Variants in FHIT observed in about 807,000 individuals in gnomAD.
FHIT encodes bis(5'-adenosyl)-triphosphatase.
In FHIT, 19 loss-of-function variants were observed where a neutral mutation model predicts 17.9. That is an observed-to-expected ratio of 1.06 (90% CI 0.74 to 1.56). FHIT has a LOEUF of 1.56. FHIT is among the 40% of genes most tolerant of loss of function. The pLI is 0.00. For synonymous variants in FHIT, 81 were observed against 69.7 expected, an observed-to-expected ratio of 1.16 and a Z score of -0.81; for missense variants, 248 against 189.2, an observed-to-expected ratio of 1.31 and a Z score of -1.82.
intron 7 of FHIT, among the ~76,000 whole-genome samples, chr3:60,004,253 T>C (rs955266442): frequency 8.5e-5 from 13 of 152,158 alleles, no homozygotes; most frequent in Admixed American, 7.2e-4. Flanking sequence ...AAAGACAGTT[T>C]ACTGAATCCT....
At chr3:60,819,975 A>G (rs1159819774) in intron 4 of FHIT, among the ~76,000 whole-genome samples, 3 of 152,184 alleles carry the variant, frequency 2.0e-5, no homozygotes, top group Non-Finnish European at 4.4e-5. Flanking sequence ...CCACCCTTCC[A>G]GAAACAATAT....
chr3:60,709,091 G>C (rs2041449470), intron 4 of FHIT, among the ~76,000 whole-genome samples: 2 of 152,144 alleles, frequency 1.3e-5, no homozygotes, highest in Non-Finnish European at 2.9e-5. Flanking sequence ...AACTGTGGAA[G>C]GCCCCAAAGA....
At chr3:60,256,451 T>C (rs1705996877) in intron 5 of FHIT, among the ~76,000 whole-genome samples, 1 of 152,216 alleles carries the variant, frequency 6.6e-6, no homozygotes, top group Non-Finnish European at 1.5e-5. Context: ...AGGTATTTTG[T>C]TATAGAAGCA....
At chr3:60,189,534 A>G (rs1354029485) in intron 5 of FHIT, among the ~76,000 whole-genome samples, 3 of 152,206 alleles carry the variant, frequency 2.0e-5, no homozygotes. Context: ...TTATAAGTAG[A>G]TTACAAATGA....
At chr3:60,118,516 A>C (rs1055698138) in intron 5 of FHIT, among the ~76,000 whole-genome samples, 2 of 152,006 alleles carry the variant, frequency 1.3e-5, no homozygotes, top group African/African-American at 2.4e-5. Flanking sequence ...GACTGACAGT[A>C]GGGAGGCATA....
intron 8 of FHIT, among the ~76,000 whole-genome samples, chr3:59,822,815 C>G (rs1032940079): frequency 6.6e-6 from 1 of 152,042 alleles, no homozygotes; most frequent in Non-Finnish European, 1.5e-5. Flanking sequence ...TTAAGTCCCA[C>G]CTATTTATCT....
At chr3:60,764,063 G>A (rs1699759278) in intron 4 of FHIT, among the ~76,000 whole-genome samples, 1 of 152,094 alleles carries the variant, frequency 6.6e-6, no homozygotes, top group African/African-American at 2.4e-5. Context: ...GTTGCTTAAG[G>A]TCACACAGCA....
intron 7 of FHIT, among the ~76,000 whole-genome samples, chr3:59,984,041 G>A (rs1484888447): frequency 6.6e-6 from 1 of 152,084 alleles, no homozygotes; most frequent in African/African-American, 2.4e-5. Flanking sequence ...ACTTTCCTGT[G>A]AATAATACTC....
chr3:61,053,967 G>C (rs556779533), intron 2 of FHIT, among the ~76,000 whole-genome samples: 2 of 152,324 alleles, frequency 1.3e-5, no homozygotes, highest in South Asian at 4.1e-4. Context: ...ATGCAGGTAA[G>C]CAAGCGCTGG....
chr3:60,347,458 G>A (rs1332014413), intron 5 of FHIT, among the ~76,000 whole-genome samples: 2 of 152,056 alleles, frequency 1.3e-5, no homozygotes, highest in Non-Finnish European at 2.9e-5. Flanking sequence ...AAAAAAGGAA[G>A]CATCAACTTA....
chr3:60,588,973 A>T (rs572669397), intron 4 of FHIT, among the ~76,000 whole-genome samples: 1 of 152,160 alleles, frequency 6.6e-6, no homozygotes, highest in South Asian at 2.1e-4. Context: ...TGAGACAATG[A>T]CTGCATGAGT....
chr3:60,005,268 A>G (rs910391992), intron 7 of FHIT, among the ~76,000 whole-genome samples: 1 of 152,212 alleles, frequency 6.6e-6, no homozygotes, highest in Non-Finnish European at 1.5e-5. Context: ...CTTTGATCCA[A>G]ATGGTATCAT....
At chr3:60,565,727 AT>A (rs1354201429) in intron 4 of FHIT, among the ~76,000 whole-genome samples, 2 of 152,144 alleles carry the variant, frequency 1.3e-5, no homozygotes, top group African/African-American at 4.8e-5. Context: ...GGATTCACTG[AT>A]TTTTTGAAGG....
At chr3:60,325,192 A>T (rs1454265386) in intron 5 of FHIT, among the ~76,000 whole-genome samples, 1 of 152,204 alleles carries the variant, frequency 6.6e-6, no homozygotes, top group Non-Finnish European at 1.5e-5. Context: ...AGAAATATGA[A>T]GCCATGCTAC....
At chr3:61,173,499 G>A (rs1051812134) in intron 2 of FHIT, among the ~76,000 whole-genome samples, 11 of 152,140 alleles carry the variant, frequency 7.2e-5, no homozygotes, top group African/African-American at 2.2e-4. Flanking sequence ...GAACTGTGAG[G>A]TATCTCTGAA....
intron 5 of FHIT, among the ~76,000 whole-genome samples, chr3:60,385,723 GCATGCACCGC>G (rs1700981265): frequency 6.6e-6 from 1 of 152,036 alleles, no homozygotes; most frequent in African/African-American, 2.4e-5. Context: ...GGGAATAAAG[GCATGCACCGC>G]CATACCCAGT....
At chr3:59,962,491 A>G in intron 7 of FHIT, among the ~76,000 whole-genome samples, 1 of 152,188 alleles carries the variant, frequency 6.6e-6, no homozygotes, top group East Asian at 1.9e-4. Flanking sequence ...CCTAAAGAGG[A>G]AATATGTCAT....
At chr3:60,169,463 A>C (rs1478063084) in intron 5 of FHIT, among the ~76,000 whole-genome samples, 1 of 152,216 alleles carries the variant, frequency 6.6e-6, no homozygotes, top group Non-Finnish European at 1.5e-5. Context: ...AACGTAATGA[A>C]AACATTAAAA....
intron 5 of FHIT, among the ~76,000 whole-genome samples, chr3:60,444,479 T>C (rs1247349388): frequency 6.6e-6 from 1 of 151,984 alleles, no homozygotes; most frequent in Non-Finnish European, 1.5e-5. Flanking sequence ...ATTAAGAAAA[T>C]GTGGCATATA....
Sources: allele counts gnomAD v4.1 joint callset (sites outside exome capture counted in the v4.1 genomes callset), GRCh38; gene constraint gnomAD v4.1.1; transcripts MANE v1.5; gene names NCBI Gene and HGNC (gene_info 2026-07-23, HGNC 2026-07-21).